The following CD302 variants were observed in gnomAD, a reference collection of about 807,000 sequenced individuals.
The protein encoded by CD302 is CD302 antigen.
CD302 carries 23 observed loss-of-function variants against 26.5 expected under a neutral mutation model. The ratio of observed to expected loss-of-function variants is 0.87; its 90% CI spans 0.62 to 1.23. CD302 has a LOEUF of 1.23. Ranked by LOEUF, CD302 falls within the 50% of genes most tolerant of loss-of-function variation. The probability of loss-of-function intolerance (pLI) is 0.00; values close to 1 mark genes in which losing one functional copy is unlikely to be tolerated. For missense variants in CD302, 290 were observed against 275.5 expected (o/e 1.05, Z -0.37); for synonymous variants, 90 against 99.4 (o/e 0.91, Z 0.56).
chr2:159,780,019 A>T lies in CD302; in HGVS notation c.455T>A (p.Leu152Gln). ...NCEVSSVEGT[L>Q]CKTAIPYKRK... ...GTCATACTTACTAGCTGTTTTGCAT[A>T]GTGTTCCTTCCACAGAAGAAACTTC... is the stretch of plus-strand genomic sequence containing the variant. Residue 152 changes from leucine (L) to glutamine (Q), a missense_variant, in exon 4 of 6, where the codon CTA (leucine) becomes CAA (glutamine). Coordinates refer to ENST00000259053, the MANE Select transcript of CD302 (RefSeq NM_014880.5). 1.2e-6 allele frequency: 2 copies of T among 1,613,890 alleles called. No homozygotes were observed. Among genetic ancestry groups the T allele is most frequent in the Non-Finnish European group, 1.7e-6 (2 of 1,179,876 alleles).
chr2:159,794,302 T>TAA (rs10656352), intron 1 of CD302, among the ~76,000 whole-genome samples: 78,845 of 111,868 alleles, frequency 0.7, 28,306 homozygotes, highest in Non-Finnish European at 0.78. Context: ...TAAAATAAAA[T>TAA]AATAAAAAAA....
At chr2:159,779,411 C>A (rs1444837928) in intron 4 of CD302, among the ~76,000 whole-genome samples, 1 of 152,084 alleles carries the variant, frequency 6.6e-6, no homozygotes, top group Non-Finnish European at 1.5e-5. Flanking sequence ...TTACTCTTCA[C>A]CACTTCTGCT....
intron 1 of CD302, among the ~76,000 whole-genome samples, chr2:159,785,310 C>T (rs1351844735): frequency 6.6e-6 from 1 of 151,814 alleles, no homozygotes; most frequent in Non-Finnish European, 1.5e-5. Flanking sequence ...TTTTTCCTTC[C>T]AGCTGTTTTA....
In CD302 at chr2:159,795,647, G is replaced by T. The variant is rs556924794; in HGVS notation, c.67+2485C>A. On this transcript the variant is annotated intron_variant, in intron 1 of 5. Coordinates refer to ENST00000259053, the MANE Select transcript of CD302 (RefSeq NM_014880.5). Reference sequence around the variant, plus strand: ...AGAGATCTGAATGGTGGAGGTGGGGGCAGCCATGCCAAGGACTGGGGGAAG... The same window carrying T: ...AGAGATCTGAATGGTGGAGGTGGGGTCAGCCATGCCAAGGACTGGGGGAAG... Among the ~76,000 whole-genome samples, 3 of 152,338 alleles carry T rather than the reference G, an allele frequency of 2.0e-5. No individual in the cohort carries two copies. In the East Asian group the frequency reaches 5.8e-4, roughly 29 times the overall value.
chr2:159,783,914 T>A (rs1454999552), intron 1 of CD302, among the ~76,000 whole-genome samples: 2 of 152,220 alleles, frequency 1.3e-5, no homozygotes, highest in Non-Finnish European at 2.9e-5. Context: ...GAAAAACAAG[T>A]TGCTAGCCTA....
intron 4 of CD302, among the ~76,000 whole-genome samples, chr2:159,778,799 A>G (rs1708415945): frequency 6.6e-6 from 1 of 152,112 alleles, no homozygotes; most frequent in African/African-American, 2.4e-5. Context: ...GAGCCACTGT[A>G]CCCAGCCCAC....
At chr2:159,776,938 T>TACCA (rs1227484111) in intron 5 of CD302, among the ~76,000 whole-genome samples, 1 of 152,156 alleles carries the variant, frequency 6.6e-6, no homozygotes, top group East Asian at 1.9e-4. Flanking sequence ...TAAAAATTCC[T>TACCA]ACCAAAAATA....
Position 159,770,904 on chromosome 2 carries a change from T to G in CD302, c.*947A>C, listed in dbSNP as rs1708126323. 6.6e-6 allele frequency: 1 copy of G among 152,104 alleles called. No individual in the cohort carries two copies. The highest frequency in any genetic ancestry group is 1.5e-5 in the Non-Finnish European group (1 of 67,998). The allele number at this position is 152,104 out of a possible 1,614,324, so 9.4% of individuals were successfully genotyped here. A position where few individuals can be genotyped will look rare whatever the true frequency, so the allele number is the denominator to read the frequency against. ...TTTATACATTCTTTATCTTTCCTGT[T>G]TTTGGTTTATTGATGGTGAGGAAAA... is the stretch of plus-strand genomic sequence containing the variant. On this transcript the variant is annotated 3_prime_UTR_variant, in exon 6 of 6. Transcript: ENST00000259053.
intron 5 of CD302, among the ~76,000 whole-genome samples, chr2:159,775,223 T>A (rs1410238364): frequency 6.6e-6 from 1 of 152,222 alleles, no homozygotes; most frequent in African/African-American, 2.4e-5. Context: ...TGTCTAACTT[T>A]AGGAGAAAGC....
intron 4 of CD302, among the ~76,000 whole-genome samples, 199 bp from the exon 5 acceptor site, chr2:159,778,163 T>C (rs1388649510): frequency 6.6e-6 from 1 of 152,172 alleles, no homozygotes; most frequent in Non-Finnish European, 1.5e-5. Context: ...TAAAGAAAGA[T>C]GTAGAGGGCT....
chr2:159,772,032 G>T lies in CD302; in HGVS notation c.518C>A (p.Ala173Glu), dbSNP rs534110307. Reference protein sequence around the residue: ...YLSDNHILISALVIASTVILT... With the variant: ...YLSDNHILISELVIASTVILT... ...AATTACCGTGCTAGCAATCACCAAT[G>T]CTGATATTAAAATGTGGTTATCTGA... Residue 173 changes from alanine (A) to glutamate (E), a missense_variant, in exon 6 of 6, where the codon GCA becomes GAA. Physicochemically the swap from Ala to Glu is moderately radical, Grantham distance 107. Transcript: ENST00000259053. The T allele has an allele frequency of 3.1e-6, 5 of 1,613,944 alleles. No individual in the cohort carries two copies. In the East Asian group the frequency reaches 1.1e-4, roughly 36 times the overall value.
chr2:159,779,099 C>T (rs577608610), intron 4 of CD302, among the ~76,000 whole-genome samples: 156 of 151,740 alleles, frequency 1.0e-3, no homozygotes, highest in African/African-American at 3.6e-3. Context: ...GGCATGGTGG[C>T]GGGTGCCTGT....
chr2:159,792,435 TGTGTGTGTGTGTGTG>T, intron 1 of CD302, among the ~76,000 whole-genome samples: 1 of 38,750 alleles, frequency 2.6e-5, no homozygotes, highest in Admixed American at 4.1e-4. Flanking sequence ...TGTGTGTGTG[TGTGTGTGTGTGTGTG>T]TGTGTGTGTG....
chr2:159,786,395 G>A (rs192589505), intron 1 of CD302, among the ~76,000 whole-genome samples: 11 of 148,626 alleles, frequency 7.4e-5, no homozygotes, highest in Non-Finnish European at 1.5e-4. Flanking sequence ...GGGCAGTGGC[G>A]CGATCTCAGC....
chr2:159,773,784 T>TC (rs1241298315), intron 5 of CD302, among the ~76,000 whole-genome samples: 1 of 152,238 alleles, frequency 6.6e-6, no homozygotes, highest in Non-Finnish European at 1.5e-5. Flanking sequence ...AAATGTATTA[T>TC]CTACCTCATT....
At chr2:159,777,140 A>G (rs1708359225) in intron 5 of CD302, among the ~76,000 whole-genome samples, 1 of 152,128 alleles carries the variant, frequency 6.6e-6, no homozygotes, top group Non-Finnish European at 1.5e-5. Context: ...AGTCCCAGCT[A>G]CTTGGGAGGC....
intron 5 of CD302, among the ~76,000 whole-genome samples, chr2:159,777,626 CAA>C (rs961536924): frequency 3.3e-5 from 5 of 152,048 alleles, no homozygotes; most frequent in Non-Finnish European, 7.4e-5. Flanking sequence ...TATCCATAAA[CAA>C]GAGAATGGAC....
chr2:159,776,697 ATTTTTT>A (rs753454427), intron 5 of CD302, among the ~76,000 whole-genome samples: 17 of 114,622 alleles, frequency 1.5e-4, no homozygotes, highest in African/African-American at 5.5e-4. Flanking sequence ...CTCACATCCA[ATTTTTT>A]TTTTTTTTTT....
Position 159,798,136 on chromosome 2 carries a change from G to A in CD302, c.63C>T (p.Val21=). ...AGGGACTACGTAAGGGCTTACCCGC[G>A]ACGGCAGCAGCGGCGAGGCCCAGCA... ...LPLLGLAAAA[V]ADCPSSTWIQ... is the part of the protein sequence containing the mutation. The change falls in exon 1 of 6, where the codon GTC becomes GTT. Residue 21 remains valine, a synonymous_variant. Coordinates refer to ENST00000259053, the MANE Select transcript of CD302 (RefSeq NM_014880.5). 6.7e-7 allele frequency: 1 copy of A among 1,487,430 alleles called. No homozygotes were observed. Among genetic ancestry groups the A allele is most frequent in the Non-Finnish European group, 8.9e-7 (1 of 1,124,460 alleles). 92.1% of individuals were successfully genotyped at this position (1,487,430 alleles called of 1,614,324 possible).
Sources: gnomAD v4.1 joint callset for allele counts (sites outside exome capture counted in the v4.1 genomes callset) on GRCh38, gnomAD v4.1.1 for gene constraint, MANE v1.5 for transcripts, NCBI Gene and HGNC (gene_info 2026-07-23, HGNC 2026-07-21) for gene names.